GAS7: variants seen among roughly 807,000 people sequenced by gnomAD.
The protein encoded by GAS7 is growth arrest-specific protein 7.
Under a neutral mutation model 71.1 loss-of-function variants are expected in GAS7, and 28 were observed. The ratio of observed to expected loss-of-function variants is 0.39; its 90% CI spans 0.29 to 0.54. The LOEUF is 0.54. Ranked by LOEUF, GAS7 falls within the 20% of genes least tolerant of loss-of-function variation. GAS7 has a pLI of 0.62. For synonymous variants in GAS7, 258 were observed against 245.8 expected, an observed-to-expected ratio of 1.05 and a Z score of -0.46; for missense variants, 436 against 627.8, an observed-to-expected ratio of 0.69 and a Z score of 3.27.
chr17:10,011,506 G>A (rs188346962), intron 2 of GAS7, among the ~76,000 whole-genome samples: 15 of 152,234 alleles, frequency 9.9e-5, no homozygotes, highest in East Asian at 7.7e-4. Context: ...CTAAGTGACC[G>A]GCTGGGACTC....
chr17:10,019,573 A>T (rs2152205516), intron 2 of GAS7, among the ~76,000 whole-genome samples: 1 of 152,222 alleles, frequency 6.6e-6, no homozygotes, highest in East Asian at 1.9e-4. Context: ...TCCTTCCAAG[A>T]TACTCCCAGA....
At chr17:10,151,668 C>G (rs2142108216) in intron 1 of GAS7, among the ~76,000 whole-genome samples, 1 of 152,258 alleles carries the variant, frequency 6.6e-6, no homozygotes, top group East Asian at 1.9e-4. Flanking sequence ...CCTAAGCCTC[C>G]TGAATAGCTA....
intron 1 of GAS7, among the ~76,000 whole-genome samples, chr17:10,186,783 G>A (rs1443563811): frequency 6.6e-6 from 1 of 152,182 alleles, no homozygotes; most frequent in Non-Finnish European, 1.5e-5. Flanking sequence ...AACACTTTGA[G>A]AGGCAGAGGC....
intron 1 of GAS7, among the ~76,000 whole-genome samples, chr17:10,108,443 T>C (rs529908961): frequency 7.2e-5 from 11 of 152,354 alleles, no homozygotes; most frequent in Non-Finnish European, 1.0e-4. Flanking sequence ...GCTTAACTTA[T>C]TGCTGTCAAG....
chr17:9,981,588 G>A lies in GAS7; in HGVS notation c.385+216C>T, dbSNP rs1937467839. Among the ~76,000 whole-genome samples, 1 of 152,146 alleles carries A rather than the reference G, an allele frequency of 6.6e-6. No homozygotes were observed. ...TCTCCTCCCACTAAGCGCCTGAGGA[G>A]GAGTGTGCAGGAGGCCACCAGAGCT... On this transcript the variant is annotated intron_variant, in intron 3 of 13. Transcript: ENST00000432992. The surrounding 1 kb of genome is among the most constrained non-coding windows in gnomAD (Gnocchi z 4.4).
chr17:9,988,950 G>A (rs561878351), intron 2 of GAS7, among the ~76,000 whole-genome samples: 3 of 148,584 alleles, frequency 2.0e-5, no homozygotes, highest in Non-Finnish European at 4.4e-5. Flanking sequence ...CCAGGTTCCC[G>A]CCATTCTCCT....
chr17:9,921,483 A>G (rs371256157), intron 11 of GAS7, among the ~76,000 whole-genome samples: 1 of 152,092 alleles, frequency 6.6e-6, no homozygotes, highest in Non-Finnish European at 1.5e-5. Context: ...TGCTCTGTAC[A>G]CTGTGAAACT....
At chr17:9,934,441 G>T (rs1254244775) in intron 8 of GAS7, among the ~76,000 whole-genome samples, 197 bp from the exon 9 acceptor site, 2 of 152,118 alleles carry the variant, frequency 1.3e-5, no homozygotes, top group African/African-American at 2.4e-5. Flanking sequence ...CAAGGTCCAA[G>T]TGAGCTCACC....
At chr17:10,076,573 C>T (rs1457185995) in intron 1 of GAS7, among the ~76,000 whole-genome samples, 1 of 152,040 alleles carries the variant, frequency 6.6e-6, no homozygotes, top group Non-Finnish European at 1.5e-5. Context: ...AATCAAGAAA[C>T]TCTACAAACT....
At chr17:10,035,833 CAGCCAAGCCTGGAA>C (rs2072735304) in intron 1 of GAS7, among the ~76,000 whole-genome samples, 1 of 152,216 alleles carries the variant, frequency 6.6e-6, no homozygotes, top group Admixed American at 6.5e-5. Flanking sequence ...AAAGATGTCT[CAGCCAAGCCTGGAA>C]GCACAGTGCA....
intron 1 of GAS7, among the ~76,000 whole-genome samples, chr17:10,176,817 T>G (rs967712396): frequency 6.6e-6 from 1 of 152,062 alleles, no homozygotes; most frequent in African/African-American, 2.4e-5. Flanking sequence ...CACTCCAAGA[T>G]GACCTGGCTA....
chr17:9,942,524 A>C (rs2068641132), intron 7 of GAS7, among the ~76,000 whole-genome samples: 2 of 152,166 alleles, frequency 1.3e-5, no homozygotes, highest in Admixed American at 1.3e-4. Context: ...CTGTGTTCCC[A>C]AGCTCTTTAG....
At chr17:10,056,439 G>C (rs569114085) in intron 1 of GAS7, among the ~76,000 whole-genome samples, 2 of 152,220 alleles carry the variant, frequency 1.3e-5, no homozygotes, top group East Asian at 3.9e-4. Flanking sequence ...AGGCTGCAAT[G>C]AACTATGAGC....
intron 7 of GAS7, 128 bp downstream of exon 7, chr17:9,942,993 C>T (rs982433376): frequency 2.0e-5 from 12 of 595,968 alleles, no homozygotes; most frequent in South Asian, 4.9e-5. Flanking sequence ...ATGAGTTTGC[C>T]GCCTGGCGCT....
intron 1 of GAS7, among the ~76,000 whole-genome samples, chr17:10,165,291 CA>C (rs71365731): frequency 0.011 from 850 of 77,638 alleles, 6 homozygotes; most frequent in African/African-American, 0.032. Flanking sequence ...GATTCCTTCT[CA>C]AAAAAAAAAA....
intron 2 of GAS7, among the ~76,000 whole-genome samples, chr17:10,003,115 C>T (rs186627340): frequency 6.6e-6 from 1 of 152,300 alleles, no homozygotes; most frequent in East Asian, 1.9e-4. Context: ...TAACATGAAG[C>T]AGAAGGCTGG....
Position 9,946,959 on chromosome 17 carries a change from G to A in GAS7, c.550C>T (p.Pro184Ser). The A allele has an allele frequency of 6.2e-7, 1 of 1,611,886 alleles. No homozygotes were observed. The highest frequency in any genetic ancestry group is 8.5e-7 in the Non-Finnish European group (1 of 1,178,016). The change falls in exon 6 of 14, where the codon CCA (proline) becomes TCA (serine). Residue 184 changes from proline (P) to serine (S), a missense_variant. Coordinates refer to ENST00000432992, the MANE Select transcript of GAS7 (RefSeq NM_201433.2). ...ITINCVTFPH[P>S]DTMPEQQLLK... is the part of the protein sequence containing the mutation. ...AGCTGCTGTTCCGGCATCGTGTCTGGGTGAGGGAACGTCACACAGTTTATC... is the reference window on the plus strand; with the variant it reads ...AGCTGCTGTTCCGGCATCGTGTCTGAGTGAGGGAACGTCACACAGTTTATC...
At chr17:10,075,911 G>A (rs572912920) in intron 1 of GAS7, among the ~76,000 whole-genome samples, 23 of 151,140 alleles carry the variant, frequency 1.5e-4, no homozygotes, top group African/African-American at 4.9e-4. Context: ...CCAACCCCTC[G>A]ACCAACATGG....
chr17:10,160,390 C>T (rs1384398414), intron 1 of GAS7, among the ~76,000 whole-genome samples: 1 of 152,138 alleles, frequency 6.6e-6, no homozygotes, highest in Admixed American at 6.5e-5. Context: ...TTAAATAAAA[C>T]AGTTACAGGA....
Sources: allele counts gnomAD v4.1 joint callset (sites outside exome capture counted in the v4.1 genomes callset), GRCh38; gene constraint gnomAD v4.1.1; non-coding constraint Gnocchi (gnomAD v3.1); transcripts MANE v1.5; gene names NCBI Gene and HGNC (gene_info 2026-07-23, HGNC 2026-07-21).